The following MYRIP variants were observed in gnomAD, a reference collection of about 807,000 sequenced individuals.
MYRIP encodes the protein myosin VIIA and Rab interacting protein.
Under a neutral mutation model 98.0 loss-of-function variants are expected in MYRIP, and 49 were observed. The ratio of observed to expected loss-of-function variants is 0.50; its 90% confidence interval spans 0.40 to 0.63. The LOEUF is 0.63. Among genes scored for constraint, MYRIP ranks in the 30% least tolerant of loss-of-function variants. MYRIP has a pLI of 0.00. For synonymous variants in MYRIP, 404 were observed against 409.5 expected (o/e 0.99, Z 0.16); for missense variants, 1,004 against 1,058.2 (o/e 0.95, Z 0.71).
At chr3:40,003,966 C>T (rs1946577963) in intron 2 of MYRIP, among the ~76,000 whole-genome samples, 2 of 152,182 alleles carry the variant, frequency 1.3e-5, no homozygotes, top group Admixed American at 1.3e-4. Context: ...TGCCCACCTG[C>T]CATCTGTCTT....
intron 3 of MYRIP, among the ~76,000 whole-genome samples, chr3:40,111,026 G>A (rs1218714659): frequency 6.6e-6 from 1 of 152,040 alleles, no homozygotes; most frequent in African/African-American, 2.4e-5. Flanking sequence ...TACCCAGGGT[G>A]TTGACTCAAA....
intron 2 of MYRIP, among the ~76,000 whole-genome samples, chr3:40,003,041 G>GTT (rs2125787393): frequency 3.3e-5 from 1 of 30,350 alleles, no homozygotes; most frequent in East Asian, 7.0e-4. Flanking sequence ...TATATCTATA[G>GTT]ATATAGAGAC....
At chr3:40,180,340 A>G (rs1950856109) in intron 8 of MYRIP, among the ~76,000 whole-genome samples, 1 of 152,238 alleles carries the variant, frequency 6.6e-6, no homozygotes, top group African/African-American at 2.4e-5. Flanking sequence ...GCAAACATTC[A>G]TTGATTTCCA....
chr3:39,969,263 C>T (rs2125742198), intron 2 of MYRIP, among the ~76,000 whole-genome samples: 1 of 152,236 alleles, frequency 6.6e-6, no homozygotes, highest in South Asian at 2.1e-4. Context: ...ATCATGTTGT[C>T]TGCAAACATA....
chr3:40,133,308 C>A (rs1404301440), intron 3 of MYRIP, among the ~76,000 whole-genome samples: 3 of 152,184 alleles, frequency 2.0e-5, no homozygotes, highest in Non-Finnish European at 4.4e-5. Context: ...TACAGAAAAA[C>A]CAATATGCTG....
At chr3:40,243,184 G>T (rs1953079619) in intron 12 of MYRIP, among the ~76,000 whole-genome samples, 1 of 152,128 alleles carries the variant, frequency 6.6e-6, no homozygotes, top group Non-Finnish European at 1.5e-5. Context: ...GACATCTTCT[G>T]TACCAGTCAC....
chr3:39,848,639 T>G (rs1455233054), intron 1 of MYRIP, among the ~76,000 whole-genome samples: 1 of 152,224 alleles, frequency 6.6e-6, no homozygotes, highest in Non-Finnish European at 1.5e-5. Context: ...GCATGTACTT[T>G]CAGATGACAA....
At chr3:39,990,443 C>G (rs910576895) in intron 2 of MYRIP, among the ~76,000 whole-genome samples, 8 of 152,180 alleles carry the variant, frequency 5.3e-5, no homozygotes, top group South Asian at 2.1e-4. Flanking sequence ...CACCCCTGTT[C>G]TGCTCTTTGA....
At position 40,202,902 on chromosome 3, in the gene MYRIP, TTTAC is replaced by T. The variant is rs56260749; in HGVS notation, c.1666-6948_1666-6945del. Among the ~76,000 whole-genome samples, 1,189 of 139,560 alleles carry T rather than the reference TTTAC, an allele frequency of 8.5e-3. 8 individuals carry two copies. Among genetic ancestry groups the T allele is most frequent in the Non-Finnish European group, 0.01 (674 of 64,368 alleles). 91.6% of individuals were successfully genotyped at this position (139,560 alleles called of 152,430 possible). A position where few individuals can be genotyped will look rare whatever the true frequency, so the allele number is the denominator to read the frequency against. ...TCATATCCCCATCACCTCACCTCCA[TTTAC>T]TTATTTATTTATTTATTTATTTATT... On this transcript the variant is annotated intron_variant, in intron 10 of 16. Transcript: ENST00000302541.
At chr3:40,038,827 T>C (rs1313075821) in intron 2 of MYRIP, among the ~76,000 whole-genome samples, 1 of 152,184 alleles carries the variant, frequency 6.6e-6, no homozygotes, top group Non-Finnish European at 1.5e-5. Flanking sequence ...CCATGCCTTG[T>C]GATTCAGACA....
Position 39,856,874 on chromosome 3 carries a change from C to T in MYRIP, c.-30-43913C>T, listed in dbSNP as rs183080543. Among the ~76,000 whole-genome samples the T allele has an allele frequency of 1.1e-4, 16 of 152,138 alleles. No homozygotes were observed. In the East Asian group the frequency reaches 1.4e-3, roughly 13 times the overall value. On this transcript the variant is annotated intron_variant, in intron 1 of 16. Transcript: ENST00000302541. ...AGGTTCATAAAGAATCAAGGAAACG[C>T]GGCAAGCAGCAAAGGAAATGAACAA...
chr3:39,875,760 A>G (rs1942971496), intron 1 of MYRIP, among the ~76,000 whole-genome samples: 1 of 151,302 alleles, frequency 6.6e-6, no homozygotes. Context: ...TTTACTTCCA[A>G]CTATGTGGTC....
chr3:40,005,856 A>C (rs1946621395), intron 2 of MYRIP, among the ~76,000 whole-genome samples: 1 of 152,368 alleles, frequency 6.6e-6, no homozygotes, highest in East Asian at 1.9e-4. Flanking sequence ...TATATAATGC[A>C]TGCACACATA....
chr3:39,850,232 C>CTCTGGCTCCTGCCCT (rs1353059315), intron 1 of MYRIP, among the ~76,000 whole-genome samples: 2 of 152,256 alleles, frequency 1.3e-5, no homozygotes, highest in Non-Finnish European at 2.9e-5. Flanking sequence ...ACCAAGCATT[C>CTCTGGCTCCTGCCCT]TCTGGCTCCT....
chr3:39,937,795 T>C (rs952218441), intron 2 of MYRIP, among the ~76,000 whole-genome samples: 1 of 152,242 alleles, frequency 6.6e-6, no homozygotes, highest in East Asian at 1.9e-4. Flanking sequence ...GCTTTTAGTA[T>C]CCTTGAATTC....
intron 1 of MYRIP, among the ~76,000 whole-genome samples, chr3:39,874,886 C>A (rs1192902595): frequency 2.6e-5 from 4 of 152,102 alleles, no homozygotes. Context: ...CCCTCTTTTT[C>A]TATTGATTGG....
chr3:40,161,641 G>A (rs560564253), intron 4 of MYRIP, among the ~76,000 whole-genome samples: 1 of 152,066 alleles, frequency 6.6e-6, no homozygotes, highest in Non-Finnish European at 1.5e-5. Context: ...ACACACCCAA[G>A]TCTCTCCTGT....
chr3:39,856,826 G>A (rs1206216378), intron 1 of MYRIP, among the ~76,000 whole-genome samples: 1 of 152,196 alleles, frequency 6.6e-6, no homozygotes, highest in African/African-American at 2.4e-5. Context: ...TCCCCGATAT[G>A]CAGACATTGA....
chr3:40,102,296 T>G (rs1472473587), intron 3 of MYRIP, among the ~76,000 whole-genome samples: 1 of 152,224 alleles, frequency 6.6e-6, no homozygotes, highest in Non-Finnish European at 1.5e-5. Flanking sequence ...CTATTTCATC[T>G]GCCTGCATTC....
Sources: allele counts gnomAD v4.1 joint callset (sites outside exome capture counted in the v4.1 genomes callset), GRCh38; gene constraint gnomAD v4.1.1; transcripts MANE v1.5; gene names NCBI Gene and HGNC (gene_info 2026-07-23, HGNC 2026-07-21).